Variants in GRIN3A observed in about 807,000 individuals in gnomAD.
The protein encoded by GRIN3A is glutamate ionotropic receptor NMDA type subunit 3A.
A neutral mutation model predicts 92.4 loss-of-function variants in GRIN3A; 47 were observed. The ratio of observed to expected loss-of-function variants is 0.51; its 90% CI spans 0.40 to 0.65. The LOEUF (loss-of-function observed/expected upper bound fraction) is 0.65, where lower values mean the gene tolerates loss of function less well. Among genes scored for constraint, GRIN3A ranks in the 30% least tolerant of loss-of-function variants. GRIN3A has a pLI of 0.00. For missense variants in GRIN3A, 1,324 were observed against 1,393.1 expected (o/e 0.95, Z 0.79); for synonymous variants, 527 against 540.6 (o/e 0.97, Z 0.35).
chr9:101,597,164 C>T (rs73507221), intron 6 of GRIN3A, among the ~76,000 whole-genome samples: 2,788 of 152,278 alleles, frequency 0.018, 88 homozygotes, highest in African/African-American at 0.063. Flanking sequence ...TCAGAAAAGA[C>T]GGACTTTTCC....
At chr9:101,689,085 G>T (rs1829578698) in intron 1 of GRIN3A, among the ~76,000 whole-genome samples, 1 of 151,964 alleles carries the variant, frequency 6.6e-6, no homozygotes, top group Non-Finnish European at 1.5e-5. Flanking sequence ...GTTTTCTTTT[G>T]CCCTCCTCTT....
At chr9:101,651,642 G>GTGTGTGTC (rs1554720003) in intron 3 of GRIN3A, among the ~76,000 whole-genome samples, 120 of 138,094 alleles carry the variant, frequency 8.7e-4, no homozygotes, top group African/African-American at 2.8e-3. Flanking sequence ...TCCATTGTGT[G>GTGTGTGTC]TGTGTGTGTG....
chr9:101,716,769 A>G (rs562829693), intron 1 of GRIN3A, among the ~76,000 whole-genome samples: 1 of 152,256 alleles, frequency 6.6e-6, no homozygotes, highest in East Asian at 1.9e-4. Flanking sequence ...AAGGTGTTGA[A>G]CTGGTGACCC....
intron 6 of GRIN3A, chr9:101,594,822 TGTCCAA>T (rs764285218): frequency 6.2e-7 from 1 of 1,611,378 alleles, no homozygotes; most frequent in South Asian, 1.1e-5. Context: ...GACCCTGATT[TGTCCAA>T]GTCCAACTTC....
intron 1 of GRIN3A, among the ~76,000 whole-genome samples, chr9:101,702,477 C>A (rs765359427): frequency 6.6e-6 from 1 of 152,124 alleles, no homozygotes; most frequent in Admixed American, 6.5e-5. Context: ...GTTGTTCACT[C>A]CCTCTTGAAA....
intron 6 of GRIN3A, among the ~76,000 whole-genome samples, chr9:101,589,292 A>T (rs1236366190): frequency 6.6e-6 from 1 of 152,040 alleles, no homozygotes; most frequent in Non-Finnish European, 1.5e-5. Flanking sequence ...ATTTTAAAAT[A>T]TTTTTATTTC....
chr9:101,575,745 T>A (rs1827817784), intron 8 of GRIN3A, among the ~76,000 whole-genome samples: 1 of 152,208 alleles, frequency 6.6e-6, no homozygotes, highest in Non-Finnish European at 1.5e-5. Flanking sequence ...AGTTGTAGCA[T>A]GCATGAGCAT....
At chr9:101,694,677 A>G (rs1488213458) in intron 1 of GRIN3A, among the ~76,000 whole-genome samples, 1 of 152,072 alleles carries the variant, frequency 6.6e-6, no homozygotes, top group Non-Finnish European at 1.5e-5. Context: ...CACAAATACA[A>G]CTTTTGGGGC....
rs1342133158 is a variant in GRIN3A at position 101,737,704 on chromosome 9, C to T, written c.276G>A (p.Ser92=). 1 of 1,537,952 alleles carries T rather than the reference C, an allele frequency of 6.5e-7. No homozygotes were observed. Among genetic ancestry groups the T allele is most frequent in the Admixed American group, 2.0e-5 (1 of 50,102 alleles). The change falls in exon 1 of 9, where the codon TCG becomes TCA. Residue 92 remains serine (S), a synonymous_variant. Coordinates refer to ENST00000361820, the MANE Select transcript of GRIN3A (RefSeq NM_133445.3). ...TGCTCCCCAACCAGCGTGCGCCCGG[C>T]GAGGGCGCCGGGGACCGCCTAGTCC... is the stretch of plus-strand genomic sequence containing the variant. ...EPGTRRSPAP[S]PGARWLGSTL...
chr9:101,621,389 C>T (rs1045665455), intron 5 of GRIN3A, among the ~76,000 whole-genome samples: 1 of 151,878 alleles, frequency 6.6e-6, no homozygotes, highest in African/African-American at 2.4e-5. Context: ...TTATACGTAT[C>T]CTTTTGTATT....
Position 101,571,082 on chromosome 9 carries a change from T to C in GRIN3A, c.*2092A>G, listed in dbSNP as rs1322298718. 1.3e-5 allele frequency: 2 copies of C among 152,196 alleles called. No individual in the cohort carries two copies. The highest frequency in any genetic ancestry group is 2.9e-5 in the Non-Finnish European group (2 of 68,134). 9.4% of individuals were successfully genotyped at this position (152,196 alleles called of 1,614,324 possible). A position where few individuals can be genotyped will look rare whatever the true frequency, so the allele number is the denominator to read the frequency against. ...TGGGGATGGCTAAGGGGCAAAATCT[T>C]CCAAAGGCAGTTGCAACCTACTTCT... On this transcript the variant is annotated 3_prime_UTR_variant, in exon 9 of 9. Coordinates refer to ENST00000361820, the MANE Select transcript of GRIN3A (RefSeq NM_133445.3).
intron 6 of GRIN3A, among the ~76,000 whole-genome samples, chr9:101,599,592 G>T (rs954467917): frequency 6.6e-6 from 1 of 152,288 alleles, no homozygotes; most frequent in Admixed American, 6.5e-5. Flanking sequence ...AAATTAAAAG[G>T]GTTGACTAAC....
intron 3 of GRIN3A, among the ~76,000 whole-genome samples, chr9:101,649,251 A>T (rs1022891357): frequency 6.6e-6 from 1 of 151,306 alleles, no homozygotes; most frequent in African/African-American, 2.4e-5. Context: ...ATTTGTGGAA[A>T]ATCTGGCTAG....
At chr9:101,579,791 C>T (rs1275459698) in intron 6 of GRIN3A, among the ~76,000 whole-genome samples, 1 of 152,098 alleles carries the variant, frequency 6.6e-6, no homozygotes, top group African/African-American at 2.4e-5. Flanking sequence ...AACAAGAAAC[C>T]GATAACTCAT....
At chr9:101,638,248 G>T (rs771043550) in intron 3 of GRIN3A, among the ~76,000 whole-genome samples, 5 of 152,118 alleles carry the variant, frequency 3.3e-5, no homozygotes, top group Non-Finnish European at 7.4e-5. Flanking sequence ...AGATACTATG[G>T]AGACCAAGCC....
At chr9:101,659,908 A>G (rs1829148473) in intron 3 of GRIN3A, among the ~76,000 whole-genome samples, 1 of 151,940 alleles carries the variant, frequency 6.6e-6, no homozygotes, top group South Asian at 2.1e-4. Context: ...GAGAAAATAA[A>G]TAAATAAGTT....
At chr9:101,725,882 A>G (rs532117318) in intron 1 of GRIN3A, among the ~76,000 whole-genome samples, 37 of 152,222 alleles carry the variant, frequency 2.4e-4, no homozygotes, top group Non-Finnish European at 4.6e-4. Flanking sequence ...CCATGGTCAG[A>G]CAGACCTTAC....
intron 6 of GRIN3A, among the ~76,000 whole-genome samples, chr9:101,590,979 G>C (rs997174810): frequency 5.3e-5 from 8 of 152,266 alleles, no homozygotes; most frequent in African/African-American, 1.7e-4. Context: ...AATTGAATTT[G>C]CTGAGGCCAT....
At chr9:101,610,738 T>TAATATA (rs935375459) in intron 6 of GRIN3A, among the ~76,000 whole-genome samples, 6 of 152,132 alleles carry the variant, frequency 3.9e-5, no homozygotes, top group African/African-American at 1.2e-4. Flanking sequence ...TGGGAGTTTA[T>TAATATA]AATATAAAGG....
Sources: allele counts gnomAD v4.1 joint callset (sites outside exome capture counted in the v4.1 genomes callset), GRCh38; gene constraint gnomAD v4.1.1; transcripts MANE v1.5; gene names NCBI Gene and HGNC (gene_info 2026-07-23, HGNC 2026-07-21).